Variants in TDRD9 observed in about 807,000 individuals in gnomAD.
The protein encoded by TDRD9 is ATP-dependent RNA helicase TDRD9.
Under a neutral mutation model 172.6 loss-of-function variants are expected in TDRD9, and 124 were observed. The ratio of observed to expected loss-of-function variants is 0.72; its 90% CI spans 0.62 to 0.83. The LOEUF is 0.83. Ranked by LOEUF, TDRD9 falls within the 40% of genes least tolerant of loss-of-function variation. TDRD9 has a pLI of 0.00. For synonymous variants in TDRD9, 619 were observed against 617.1 expected, an observed-to-expected ratio of 1.00 and a Z score of -0.05; for missense variants, 1,479 against 1,714.1, an observed-to-expected ratio of 0.86 and a Z score of 2.42.
intron 13 of TDRD9, 59 bp from the exon 14 acceptor site, chr14:104,004,179 T>G: frequency 1.3e-6 from 1 of 799,938 alleles, no homozygotes; most frequent in Non-Finnish European, 2.1e-6. Flanking sequence ...AAAAGATACC[T>G]TCATGCTGAT....
chr14:104,008,272 A>G, intron 19 of TDRD9, 141 bp from the exon 20 acceptor site: 1 of 577,652 alleles, frequency 1.7e-6, no homozygotes, highest in South Asian at 2.3e-5. Flanking sequence ...GTACCTGGAG[A>G]GGGAGTGCCA....
intron 9 of TDRD9, among the ~76,000 whole-genome samples, chr14:103,993,010 C>G (rs2033930557): frequency 6.6e-6 from 1 of 151,224 alleles, no homozygotes. Flanking sequence ...TTGCTGTGTT[C>G]CCCAGGCTGG....
At chr14:104,024,437 G>T in intron 24 of TDRD9, 132 bp from the exon 25 acceptor site, 3 of 544,876 alleles carry the variant, frequency 5.5e-6, no homozygotes, top group Non-Finnish European at 9.6e-6. Context: ...GTCATCTCTG[G>T]CTTAGGTATT....
chr14:103,988,459 C>T (rs987447412), intron 8 of TDRD9, among the ~76,000 whole-genome samples: 5 of 152,074 alleles, frequency 3.3e-5, no homozygotes, highest in South Asian at 4.1e-4. Context: ...GGTGTGACAC[C>T]GCGCCTGGCC....
chr14:103,930,061 C>T (rs1350014718), intron 1 of TDRD9, among the ~76,000 whole-genome samples: 1 of 152,206 alleles, frequency 6.6e-6, no homozygotes, highest in Non-Finnish European at 1.5e-5. Flanking sequence ...ACACCTGCTC[C>T]CTCTTCTCGC....
In TDRD9 at chr14:103,963,086, G is replaced by A. The variant is rs907632719; in HGVS notation, c.330G>A (p.Arg110=). The part of the protein sequence containing the change: ...SVQPTSGPGP[R]PSLAKLSSVT... ...TGTTTTGCCTTAATCCAGGTCCAAG[G>A]CCATCTTTGGCTAAATTAAGCAGTG... The change falls in exon 3 of 36, where the codon AGG becomes AGA. Residue 110 remains arginine (R), a synonymous_variant. Transcript: ENST00000409874. 1.7e-5 allele frequency: 27 copies of A among 1,542,972 alleles called. No homozygotes were observed. Among genetic ancestry groups the A allele is most frequent in the Non-Finnish European group, 2.3e-5 (26 of 1,143,710 alleles).
chr14:104,040,447 G>A, intron 33 of TDRD9, 113 bp downstream of exon 33: 1 of 1,188,062 alleles, frequency 8.4e-7, no homozygotes, highest in African/African-American at 1.6e-5. Context: ...CACACCTCTG[G>A]TCCTGGAGAT....
Position 103,940,914 on chromosome 14 carries a change from T to C in TDRD9, c.215+12190T>C, listed in dbSNP as rs1047677693. ...AACTGGAAATGGTGGGTATTTCATC[T>C]TTGTCTGCCCTCTTGGAGCTGTCAC... On this transcript the variant is annotated intron_variant, in intron 1 of 35. Coordinates refer to ENST00000409874, the MANE Select transcript of TDRD9 (RefSeq NM_153046.3). 2.6e-6 allele frequency: 4 copies of C among 1,535,462 alleles called. No homozygotes were observed. In the South Asian group the frequency reaches 4.8e-5, roughly 18 times the overall value.
chr14:103,928,885 G>A (rs2030162427), intron 1 of TDRD9, 161 bp downstream of exon 1: 1 of 280,370 alleles, frequency 3.6e-6, no homozygotes, highest in Admixed American at 5.3e-5. Flanking sequence ...AACCCGACGC[G>A]CGGCCCAGAG....
At chr14:104,037,169 G>A (rs951787679) in intron 32 of TDRD9, among the ~76,000 whole-genome samples, 1 of 151,478 alleles carries the variant, frequency 6.6e-6, no homozygotes. Context: ...GCAGGAGGGG[G>A]GTCTTCAGTA....
In TDRD9 at chr14:104,004,242, T is replaced by G. The variant is rs1214262266; in HGVS notation, c.1488T>G (p.Arg496=). The G allele has an allele frequency of 1.3e-6, 2 of 1,574,936 alleles. No homozygotes were observed. The highest frequency in any genetic ancestry group is 1.3e-5 in the African/African-American group (1 of 74,492). Residue 496 remains arginine (R), a synonymous_variant, in exon 14 of 36, where the codon CGT becomes CGG. Coordinates refer to ENST00000409874, the MANE Select transcript of TDRD9 (RefSeq NM_153046.3). ...SKTSCNQRKG[R]AGRVSRGYCY... is the part of the protein sequence containing the mutation. Reference sequence around the variant, plus strand: ...TTGCACATCTCTCCTTTGAAGGCCGTGCTGGACGAGTGTCTAGAGGGTACT... The same window carrying G: ...TTGCACATCTCTCCTTTGAAGGCCGGGCTGGACGAGTGTCTAGAGGGTACT...
chr14:104,014,168 G>T (rs1270370068), intron 20 of TDRD9, among the ~76,000 whole-genome samples: 1 of 147,570 alleles, frequency 6.8e-6, no homozygotes, highest in Non-Finnish European at 1.5e-5. Context: ...GGCAGAGCTT[G>T]CAGTGAACCA....
intron 1 of TDRD9, among the ~76,000 whole-genome samples, chr14:103,937,856 T>TC (rs1445812307): frequency 8.0e-6 from 1 of 124,230 alleles, no homozygotes; most frequent in Non-Finnish European, 1.8e-5. Context: ...ATGTTGATTT[T>TC]CTTTTTTTTT....
intron 7 of TDRD9, among the ~76,000 whole-genome samples, chr14:103,981,490 T>G (rs2033472648): frequency 6.6e-6 from 1 of 152,248 alleles, no homozygotes; most frequent in Non-Finnish European, 1.5e-5. Context: ...TAGCAAGATT[T>G]ATCCAACGTC....
chr14:103,949,389 TAGA>T (rs2031740186), intron 1 of TDRD9, among the ~76,000 whole-genome samples: 1 of 152,252 alleles, frequency 6.6e-6, no homozygotes, highest in Non-Finnish European at 1.5e-5. Flanking sequence ...ATTTTGCTAG[TAGA>T]AGAATTCTTT....
chr14:103,990,247 G>A (rs557540316), intron 8 of TDRD9, among the ~76,000 whole-genome samples: 50 of 152,322 alleles, frequency 3.3e-4, no homozygotes, highest in African/African-American at 9.6e-4. Context: ...AGTGGCTGCC[G>A]CCTGAGGTCA....
intron 20 of TDRD9, among the ~76,000 whole-genome samples, chr14:104,009,747 A>G (rs955886205): frequency 2.0e-5 from 3 of 151,994 alleles, no homozygotes; most frequent in Non-Finnish European, 2.9e-5. Flanking sequence ...TCCTTATTCT[A>G]TAAGTTTTTA....
chr14:104,013,151 G>T (rs2034668317), intron 20 of TDRD9, among the ~76,000 whole-genome samples: 2 of 151,950 alleles, frequency 1.3e-5, no homozygotes, highest in Admixed American at 1.3e-4. Flanking sequence ...CTTTTTAGTT[G>T]TTATTCCCCC....
intron 19 of TDRD9, 110 bp downstream of exon 19, chr14:104,007,314 G>T: frequency 1.9e-6 from 2 of 1,028,584 alleles, no homozygotes; most frequent in Non-Finnish European, 2.9e-6. Context: ...CCTGCGGCTG[G>T]AGTCGAGGTC....
Sources: gnomAD v4.1 joint callset for allele counts (sites outside exome capture counted in the v4.1 genomes callset) on GRCh38, gnomAD v4.1.1 for gene constraint, MANE v1.5 for transcripts, NCBI Gene and HGNC (gene_info 2026-07-23, HGNC 2026-07-21) for gene names.